GPR158: variants seen among roughly 807,000 people sequenced by gnomAD.
GPR158 encodes the protein G protein-coupled receptor 158, also known as metabotropic glycine receptor.
Under a neutral mutation model 78.2 loss-of-function variants are expected in GPR158, and 30 were observed. The observed-to-expected ratio is 0.38, with a 90% CI of 0.29 to 0.52. GPR158 has a LOEUF of 0.52. Ranked by LOEUF, GPR158 falls within the 20% of genes least tolerant of loss-of-function variation. The pLI, the probability that GPR158 is intolerant of heterozygous loss-of-function variation, is 0.83. For synonymous variants in GPR158, 581 were observed against 591.1 expected (o/e 0.98, Z 0.25); for missense variants, 1,463 against 1,523.5 (o/e 0.96, Z 0.66).
At chr10:25,241,022 G>A (rs1853597081) in intron 2 of GPR158, among the ~76,000 whole-genome samples, 2 of 151,990 alleles carry the variant, frequency 1.3e-5, no homozygotes, top group Admixed American at 1.3e-4. Flanking sequence ...GAACATAATT[G>A]GGTTATGACT....
At chr10:25,411,026 A>G (rs1175508658) in intron 3 of GPR158, among the ~76,000 whole-genome samples, 1 of 152,166 alleles carries the variant, frequency 6.6e-6, no homozygotes, top group African/African-American at 2.4e-5. Context: ...GTTGTGTTAT[A>G]TACTGAAGTG....
chr10:25,189,042 A>C (rs1170235299), intron 1 of GPR158, among the ~76,000 whole-genome samples: 1 of 152,254 alleles, frequency 6.6e-6, no homozygotes, highest in South Asian at 2.1e-4. Context: ...AATGTTCATC[A>C]TCACTGGCCA....
At chr10:25,593,645 C>T (rs1837367629) in intron 8 of GPR158, among the ~76,000 whole-genome samples, 1 of 152,016 alleles carries the variant, frequency 6.6e-6, no homozygotes, top group Non-Finnish European at 1.5e-5. Flanking sequence ...ACCATTTTTC[C>T]TGCAGAGGCA....
At chr10:25,257,084 A>G (rs1332176122) in intron 2 of GPR158, among the ~76,000 whole-genome samples, 1 of 152,218 alleles carries the variant, frequency 6.6e-6, no homozygotes, top group Non-Finnish European at 1.5e-5. Context: ...TATTTGGCTC[A>G]TAGTTTTGGA....
At chr10:25,523,331 T>C (rs1836303120) in intron 5 of GPR158, among the ~76,000 whole-genome samples, 1 of 152,294 alleles carries the variant, frequency 6.6e-6, no homozygotes. Flanking sequence ...GTGGAAGAAC[T>C]CTTGGATGGC....
intron 2 of GPR158, among the ~76,000 whole-genome samples, chr10:25,240,879 A>G (rs1853595205): frequency 6.6e-6 from 1 of 152,186 alleles, no homozygotes; most frequent in African/African-American, 2.4e-5. Context: ...AAGATGCCCA[A>G]CTGATTTGGA....
intron 2 of GPR158, among the ~76,000 whole-genome samples, chr10:25,226,417 C>T (rs961687590): frequency 5.3e-5 from 8 of 152,128 alleles, no homozygotes; most frequent in African/African-American, 1.4e-4. Context: ...AGTAACATTG[C>T]CTTAAAATTC....
chr10:25,310,176 G>A (rs920249785), intron 2 of GPR158, among the ~76,000 whole-genome samples: 2 of 152,146 alleles, frequency 1.3e-5, no homozygotes, highest in Non-Finnish European at 2.9e-5. Context: ...CTGTTGAGTA[G>A]CATTGGCAAC....
chr10:25,330,020 T>TG (rs771196500), intron 2 of GPR158, among the ~76,000 whole-genome samples: 45 of 151,904 alleles, frequency 3.0e-4, no homozygotes, highest in Non-Finnish European at 4.6e-4. Flanking sequence ...AATTCTTTTT[T>TG]TTTTTTGTTA....
At chr10:25,352,002 T>C (rs909167336) in intron 2 of GPR158, among the ~76,000 whole-genome samples, 2 of 145,460 alleles carry the variant, frequency 1.4e-5, no homozygotes, top group Admixed American at 7.0e-5. Flanking sequence ...CTGTTTTTCT[T>C]TAATAATGCA....
chr10:25,329,597 CT>C lies in GPR158; in HGVS notation c.1009-66302del, dbSNP rs568147961. On this transcript the variant is annotated intron_variant, in intron 2 of 10. Transcript: ENST00000376351. Reference sequence around the variant, plus strand: ...ATTCCCAAAGGACAAACTCTTACCTCTTTTTTTTTTTTAAAGTTTGATTGAA... The same window carrying C: ...ATTCCCAAAGGACAAACTCTTACCTCTTTTTTTTTTTAAAGTTTGATTGAA... Among the ~76,000 whole-genome samples the C allele has an allele frequency of 4.8e-3, 690 of 143,964 alleles. 3 individuals carry two copies. Among genetic ancestry groups the C allele is most frequent in the Non-Finnish European group, 7.0e-3 (460 of 65,456 alleles). The allele number at this position is 143,964 out of a possible 152,430, so 94.4% of individuals were successfully genotyped here.
At chr10:25,538,921 C>T (rs1836537702) in intron 5 of GPR158, among the ~76,000 whole-genome samples, 1 of 152,114 alleles carries the variant, frequency 6.6e-6, no homozygotes, top group Non-Finnish European at 1.5e-5. Context: ...CAAAAATAGT[C>T]ATATGTTTCT....
At position 25,264,031 on chromosome 10, in the gene GPR158, A is replaced by G. The variant is rs187069363; in HGVS notation, c.1008+42874A>G. 3.5e-3 allele frequency among the ~76,000 whole-genome samples: 538 copies of G among 152,322 alleles called. 2 individuals carry two copies. Among genetic ancestry groups the G allele is most frequent in the African/African-American group, 0.013 (525 of 41,570 alleles). On this transcript the variant is annotated intron_variant, in intron 2 of 10. Coordinates refer to ENST00000376351, the MANE Select transcript of GPR158 (RefSeq NM_020752.3). Reference sequence around the variant, plus strand: ...ATTGGATCTTTAGGGGCTTGTCTTCAAGAAAATCATTCCTAACTGATGAAT... The same window carrying G: ...ATTGGATCTTTAGGGGCTTGTCTTCGAGAAAATCATTCCTAACTGATGAAT...
chr10:25,549,215 G>T (rs781297125), intron 5 of GPR158, among the ~76,000 whole-genome samples: 1 of 152,094 alleles, frequency 6.6e-6, no homozygotes, highest in Non-Finnish European at 1.5e-5. Flanking sequence ...ATGAGAAGGA[G>T]CACATATGCT....
At chr10:25,180,663 A>G (rs887174103) in intron 1 of GPR158, among the ~76,000 whole-genome samples, 4 of 152,192 alleles carry the variant, frequency 2.6e-5, no homozygotes, top group Non-Finnish European at 5.9e-5. Flanking sequence ...CCTGTCTGGA[A>G]ATCAGTTTCT....
At position 25,310,749 on chromosome 10, in the gene GPR158, A is replaced by T. The variant is rs554777083; in HGVS notation, c.1009-85162A>T. Among the ~76,000 whole-genome samples the T allele has an allele frequency of 2.0e-5, 3 of 152,090 alleles. No individual in the cohort carries two copies. In the East Asian group the frequency reaches 5.8e-4, roughly 29 times the overall value. Reference sequence around the variant, plus strand: ...AACTTTAGTTTTTGAAGTGAAATTTATTATTTTTCTTTTGGATTTTGAGTC... The same window carrying T: ...AACTTTAGTTTTTGAAGTGAAATTTTTTATTTTTCTTTTGGATTTTGAGTC... On this transcript the variant is annotated intron_variant, in intron 2 of 10. Coordinates refer to ENST00000376351, the MANE Select transcript of GPR158 (RefSeq NM_020752.3).
chr10:25,517,742 A>G (rs1836201284), intron 5 of GPR158, among the ~76,000 whole-genome samples: 1 of 151,368 alleles, frequency 6.6e-6, no homozygotes, highest in African/African-American at 2.4e-5. Context: ...ATGGTGGATA[A>G]GCTTTTTGAT....
At chr10:25,543,533 G>A (rs1836618200) in intron 5 of GPR158, among the ~76,000 whole-genome samples, 1 of 152,170 alleles carries the variant, frequency 6.6e-6, no homozygotes, top group African/African-American at 2.4e-5. Context: ...CATGGCTGTA[G>A]TGTGTAATGA....
intron 2 of GPR158, among the ~76,000 whole-genome samples, chr10:25,319,116 C>G (rs553251759): frequency 2.6e-5 from 4 of 152,188 alleles, no homozygotes; most frequent in Non-Finnish European, 4.4e-5. Flanking sequence ...CTTTGTGCAC[C>G]AGGGTCTCTG....
Sources: allele counts gnomAD v4.1 joint callset (sites outside exome capture counted in the v4.1 genomes callset), GRCh38; gene constraint gnomAD v4.1.1; transcripts MANE v1.5; gene names NCBI Gene and HGNC (gene_info 2026-07-23, HGNC 2026-07-21).